RNF216: variants seen among roughly 807,000 people sequenced by gnomAD.
The protein encoded by RNF216 is ring finger protein 216.
A neutral mutation model predicts 110.8 loss-of-function variants in RNF216; 72 were observed. The ratio of observed to expected loss-of-function variants is 0.65; its 90% CI spans 0.54 to 0.79. The LOEUF is 0.79. Among genes scored for constraint, RNF216 ranks in the 30% least tolerant of loss-of-function variants. The pLI, the probability that RNF216 is intolerant of heterozygous loss-of-function variation, is 0.00. For synonymous variants in RNF216, 495 were observed against 407.5 expected (o/e 1.21, Z -2.59); for missense variants, 1,342 against 1,141.2 (o/e 1.18, Z -2.54).
chr7:5,702,766 G>T (rs1397533019), intron 13 of RNF216, among the ~76,000 whole-genome samples: 1 of 152,180 alleles, frequency 6.6e-6, no homozygotes, highest in Non-Finnish European at 1.5e-5. Context: ...AAAACTGACA[G>T]AAGTACTCAG....
chr7:5,712,020 G>T, intron 12 of RNF216, 181 bp from the exon 13 acceptor site: 1 of 591,424 alleles, frequency 1.7e-6, no homozygotes, highest in Non-Finnish European at 3.0e-6. Flanking sequence ...CTCTTATCAG[G>T]AAACATAAGC....
intron 13 of RNF216, among the ~76,000 whole-genome samples, chr7:5,674,053 G>A (rs996996734): frequency 4.0e-5 from 6 of 149,444 alleles, no homozygotes; most frequent in South Asian, 2.1e-4. Context: ...TTTTTACGAC[G>A]GAGTCTTGCC....
At chr7:5,723,905 C>T (rs2128638392) in intron 8 of RNF216, among the ~76,000 whole-genome samples, 1 of 152,292 alleles carries the variant, frequency 6.6e-6, no homozygotes, top group African/African-American at 2.4e-5. Context: ...GAGTCATAAA[C>T]ATTAAACTAC....
chr7:5,658,439 G>GT (rs1254142771), intron 13 of RNF216, among the ~76,000 whole-genome samples: 1 of 151,952 alleles, frequency 6.6e-6, no homozygotes, highest in Non-Finnish European at 1.5e-5. Context: ...GGCAGATCAC[G>GT]TAAGCCCAGG....
At position 5,760,965 on chromosome 7, in the gene RNF216, C is replaced by G. The variant is rs192685235; in HGVS notation, c.67+38G>C. The G allele has an allele frequency of 1.2e-4, 178 of 1,489,144 alleles. No homozygotes were observed. In the African/African-American group the frequency reaches 1.3e-3, roughly 11 times the overall value. The allele number at this position is 1,489,144 out of a possible 1,614,324, so 92.2% of individuals were successfully genotyped here. The stretch of plus-strand genomic sequence containing the variant: ...ACAGCTGTGATACTAAAAGAAAAAG[C>G]CACAGGGAAAGGGATGAAGTGAGAA... On this transcript the variant is annotated intron_variant, in intron 2 of 16. Coordinates refer to ENST00000389902, the MANE Select transcript of RNF216 (RefSeq NM_207111.4).
In RNF216 at chr7:5,712,390, T is replaced by C. The variant is rs551599465; in HGVS notation, c.1982+325A>G. ...CAGGAGGCTGAGGCATGAGAATTGC[T>C]TGAACTCAGGAGGCGGAGGTTGTAG... On this transcript the variant is annotated intron_variant, in intron 12 of 16. Transcript: ENST00000389902. Among the ~76,000 whole-genome samples the C allele has an allele frequency of 2.3e-3, 349 of 152,090 alleles. 1 individual carries two copies. The highest frequency in any genetic ancestry group is 3.9e-3 in the Admixed American group (60 of 15,286).
chr7:5,703,780 C>A (rs548973903), intron 13 of RNF216, among the ~76,000 whole-genome samples: 1 of 152,226 alleles, frequency 6.6e-6, no homozygotes, highest in Non-Finnish European at 1.5e-5. Context: ...GGTCTCTCGT[C>A]GTTAGCGCTT....
intron 13 of RNF216, among the ~76,000 whole-genome samples, chr7:5,667,868 G>T (rs3807580): frequency 2.0e-5 from 3 of 152,174 alleles, no homozygotes; most frequent in Admixed American, 2.0e-4. Flanking sequence ...GGATCAGATT[G>T]GGGAAAGGAG....
chr7:5,708,727 G>C (rs1792462488), intron 13 of RNF216, among the ~76,000 whole-genome samples: 1 of 152,170 alleles, frequency 6.6e-6, no homozygotes, highest in South Asian at 2.1e-4. Flanking sequence ...CTCTGGAGCT[G>C]CTGTAAGCTG....
intron 15 of RNF216, among the ~76,000 whole-genome samples, chr7:5,629,084 A>T (rs1786895761): frequency 6.6e-6 from 1 of 151,808 alleles, no homozygotes; most frequent in Non-Finnish European, 1.5e-5. Flanking sequence ...CTGTAATCCC[A>T]GCTACTCTGG....
At chr7:5,656,274 A>G (rs755757538) in intron 13 of RNF216, among the ~76,000 whole-genome samples, 1 of 152,188 alleles carries the variant, frequency 6.6e-6, no homozygotes, top group Non-Finnish European at 1.5e-5. Context: ...GTCACAAACA[A>G]ACAAACAAAG....
chr7:5,701,256 T>C (rs73064610), intron 13 of RNF216, among the ~76,000 whole-genome samples: 7,723 of 152,304 alleles, frequency 0.051, 267 homozygotes, highest in Middle Eastern at 0.078. Context: ...CCCCTTTACA[T>C]GGCAGAACAC....
chr7:5,767,488 C>G (rs865847352), intron 1 of RNF216, among the ~76,000 whole-genome samples: 2 of 152,126 alleles, frequency 1.3e-5, no homozygotes, highest in South Asian at 2.1e-4. Flanking sequence ...CCTCACCCCC[C>G]ACCAAGTTGT....
Position 5,680,624 on chromosome 7 carries a change from G to A in RNF216, c.2062-28114C>T, listed in dbSNP as rs852395. ...TCACCATGTTGGCCAGGATGGTCTC[G>A]ATCTCCTGACCTTGTGATCTGCCCG... On this transcript the variant is annotated intron_variant, in intron 13 of 16. Transcript: ENST00000389902. This position sits in a 1 kb window ranked among gnomAD's most constrained non-coding sequence, Gnocchi z 4.3. Among the ~76,000 whole-genome samples the A allele has an allele frequency of 0.068, 10,264 of 152,006 alleles. 775 individuals carry two copies. The highest frequency in any genetic ancestry group is 0.19 in the African/African-American group (7,882 of 41,416).
At chr7:5,763,749 T>G (rs538529570) in intron 1 of RNF216, among the ~76,000 whole-genome samples, 110 of 152,198 alleles carry the variant, frequency 7.2e-4, no homozygotes, top group Non-Finnish European at 1.4e-3. Context: ...TTTTAAAATT[T>G]TTTTGTAGAG....
At chr7:5,763,661 C>T (rs1198956019) in intron 1 of RNF216, among the ~76,000 whole-genome samples, 1 of 152,084 alleles carries the variant, frequency 6.6e-6, no homozygotes, top group East Asian at 1.9e-4. Context: ...GCCTTGAACC[C>T]CTGGGCTCAA....
At chr7:5,748,005 T>G (rs545246331) in intron 3 of RNF216, among the ~76,000 whole-genome samples, 24 of 152,144 alleles carry the variant, frequency 1.6e-4, no homozygotes, top group African/African-American at 5.5e-4. Context: ...GTGACTGGTA[T>G]AGCAACTCCC....
At chr7:5,752,578 G>GT (rs1280169123) in intron 3 of RNF216, among the ~76,000 whole-genome samples, 10 of 152,200 alleles carry the variant, frequency 6.6e-5, no homozygotes, top group Non-Finnish European at 2.9e-5. Flanking sequence ...CAATCCAACA[G>GT]TAAGATACAC....
intron 14 of RNF216, among the ~76,000 whole-genome samples, chr7:5,642,358 C>T (rs1325160375): frequency 1.3e-5 from 2 of 151,874 alleles, no homozygotes; most frequent in East Asian, 1.9e-4. Context: ...GGATTACAGG[C>T]GCCCACCACC....
Sources: allele counts gnomAD v4.1 joint callset (sites outside exome capture counted in the v4.1 genomes callset), GRCh38; gene constraint gnomAD v4.1.1; non-coding constraint Gnocchi (gnomAD v3.1); transcripts MANE v1.5; gene names NCBI Gene and HGNC (gene_info 2026-07-23, HGNC 2026-07-21).